TNRC6A: variants seen among roughly 807,000 people sequenced by gnomAD.
TNRC6A encodes the protein trinucleotide repeat containing adaptor 6A.
TNRC6A carries 44 observed loss-of-function variants against 221.2 expected under a neutral mutation model. That is an observed-to-expected ratio of 0.20 (90% confidence interval 0.16 to 0.26). The LOEUF is 0.26. TNRC6A is among the 10% of genes least tolerant of loss of function. TNRC6A has a pLI of 1.00. For synonymous variants in TNRC6A, 847 were observed against 838.5 expected, an observed-to-expected ratio of 1.01 and a Z score of -0.18; for missense variants, 2,199 against 2,404.4, an observed-to-expected ratio of 0.91 and a Z score of 1.79.
In TNRC6A at chr16:24,809,767, ATAT is replaced by A. The variant is rs1044624354; in HGVS notation, c.4672+292_4672+294del. ...CATTTTTCTAAGTGATTTTATTCTT[ATAT>A]TATTACACTTATTAACATTTACTGG... On this transcript the variant is annotated intron_variant, in intron 18 of 24. Coordinates refer to ENST00000395799, the MANE Select transcript of TNRC6A (RefSeq NM_014494.4). Among the ~76,000 whole-genome samples the A allele has an allele frequency of 8.5e-4, 129 of 152,244 alleles. 3 individuals are homozygous for A. Among genetic ancestry groups the A allele is most frequent in the Middle Eastern group, 3.4e-3 (1 of 294 alleles).
Position 24,798,000 on chromosome 16 carries a change from T to C in TNRC6A, c.3694+34T>C, listed in dbSNP as rs200071286. 6 of 1,572,116 alleles carry C rather than the reference T, an allele frequency of 3.8e-6. No individual in the cohort carries two copies. In the Admixed American group the frequency reaches 5.1e-5, roughly 13 times the overall value. On this transcript the variant is annotated intron_variant, in intron 11 of 24. Coordinates refer to ENST00000395799, the MANE Select transcript of TNRC6A (RefSeq NM_014494.4). ...AAATTAAATCTGTTTATATTCCTCA[T>C]TGAGGGACACGCACATCCATGACAT...
At chr16:24,628,512 A>G (rs1306175438) in intron 1 of TNRC6A, among the ~76,000 whole-genome samples, 1 of 152,158 alleles carries the variant, frequency 6.6e-6, no homozygotes, top group African/African-American at 2.4e-5. Flanking sequence ...CACATCTGAG[A>G]CAGCAAGAGT....
chr16:24,655,911 A>G lies in TNRC6A; in HGVS notation n.402+14902A>G, dbSNP rs374614895. ...TCCCAACAGTTTGAGAGGCCAAGGCAGGAGGATCACTTGAGGCCAGGAGTT... is the reference window on the plus strand; with the variant it reads ...TCCCAACAGTTTGAGAGGCCAAGGCGGGAGGATCACTTGAGGCCAGGAGTT... On this transcript the variant is annotated intron_variant and non_coding_transcript_variant, in intron 2 of 2. Coordinates refer to the TNRC6A transcript ENST00000566108. 2.2e-4 allele frequency among the ~76,000 whole-genome samples: 34 copies of G among 152,194 alleles called. 1 individual carries two copies. In the East Asian group the frequency reaches 6.4e-3, roughly 29 times the overall value.
chr16:24,777,889 GGT>G (rs2057759750), intron 5 of TNRC6A, among the ~76,000 whole-genome samples: 1 of 152,162 alleles, frequency 6.6e-6, no homozygotes, highest in Non-Finnish European at 1.5e-5. Context: ...CTCTGAGCTT[GGT>G]AGTGATGGTG....
At chr16:24,750,671 T>G (rs946456988) in intron 2 of TNRC6A, 55 bp from the exon 3 acceptor site, 1 of 1,459,262 alleles carries the variant, frequency 6.9e-7, no homozygotes. Context: ...GTATGCAACA[T>G]TATTTTTATT....
intron 1 of TNRC6A, among the ~76,000 whole-genome samples, chr16:24,627,897 T>C (rs1901113983): frequency 1.3e-5 from 2 of 150,512 alleles, no homozygotes; most frequent in Non-Finnish European, 1.5e-5. Context: ...TGGGGTTTCA[T>C]CGTGTTGGCC....
chr16:24,816,791 A>G (rs1457103500), intron 19 of TNRC6A, 25 bp from the exon 20 acceptor site: 2 of 1,600,332 alleles, frequency 1.2e-6, no homozygotes, highest in Non-Finnish European at 1.7e-6. Flanking sequence ...TAAGCTTTGA[A>G]CTAATTTTAA....
At chr16:24,802,190 G>A (rs1356774175) in intron 11 of TNRC6A, among the ~76,000 whole-genome samples, 2 of 152,156 alleles carry the variant, frequency 1.3e-5, no homozygotes, top group East Asian at 1.9e-4. Flanking sequence ...AAGAAATGAT[G>A]GATGAGATTT....
intron 2 of TNRC6A, among the ~76,000 whole-genome samples, chr16:24,708,063 A>ACAAAAAAC (rs770898651): frequency 3.3e-5 from 3 of 90,732 alleles, no homozygotes; most frequent in East Asian, 2.1e-3. Flanking sequence ...TGTCAAAAAA[A>ACAAAAAAC]AAAAAACACA....
At chr16:24,697,090 A>T (rs1462706854) in intron 2 of TNRC6A, among the ~76,000 whole-genome samples, 1 of 152,222 alleles carries the variant, frequency 6.6e-6, no homozygotes. Flanking sequence ...TTGAATGTTC[A>T]CAACACTGAG....
Position 24,797,477 on chromosome 16 carries a change from T to C in TNRC6A, c.3562-13T>C. On this transcript the variant is annotated splice_polypyrimidine_tract_variant and intron_variant, in intron 9 of 24. Coordinates refer to ENST00000395799, the MANE Select transcript of TNRC6A (RefSeq NM_014494.4). The stretch of plus-strand genomic sequence containing the variant: ...TGGCCATGGCATCTTTTCTACTCTT[T>C]TATTTTACAAAGGGAATGATGAAAG... 6.2e-7 allele frequency: 1 copy of C among 1,604,984 alleles called. No individual in the cohort carries two copies. Among genetic ancestry groups the C allele is most frequent in the East Asian group, 2.2e-5 (1 of 44,630 alleles).
intron 4 of TNRC6A, among the ~76,000 whole-genome samples, chr16:24,765,006 G>T (rs924210603): frequency 3.3e-5 from 5 of 152,104 alleles, no homozygotes; most frequent in African/African-American, 1.2e-4. Flanking sequence ...TTATTGTACT[G>T]TTCTCGCCTA....
At chr16:24,647,583 G>T (rs769649277) in intron 2 of TNRC6A, among the ~76,000 whole-genome samples, 1 of 151,894 alleles carries the variant, frequency 6.6e-6, no homozygotes, top group Non-Finnish European at 1.5e-5. Context: ...CATCACCACC[G>T]TCCATCTCTA....
intron 22 of TNRC6A, chr16:24,821,787 T>C: frequency 2.2e-6 from 1 of 451,422 alleles, no homozygotes; most frequent in Non-Finnish European, 4.0e-6. Flanking sequence ...TTAGCTCCTA[T>C]CAATGAGAAG....
chr16:24,779,304 A>G (rs943924013), intron 5 of TNRC6A, among the ~76,000 whole-genome samples: 3 of 152,352 alleles, frequency 2.0e-5, no homozygotes, highest in Middle Eastern at 3.4e-3. Flanking sequence ...CCTGGATTCA[A>G]TCTCAAAAAA....
chr16:24,805,510 A>G, intron 14 of TNRC6A, 95 bp from the exon 15 acceptor site: 2 of 1,525,422 alleles, frequency 1.3e-6, no homozygotes, highest in South Asian at 2.5e-5. Context: ...TAGTCCACAA[A>G]TTTAACTGCT....
In TNRC6A at chr16:24,749,327, G is replaced by A. The variant is rs753578886; in HGVS notation, c.54-1399G>A. 1.6e-4 allele frequency among the ~76,000 whole-genome samples: 24 copies of A among 152,290 alleles called. No homozygotes were observed. In the East Asian group the frequency reaches 2.3e-3, roughly 15 times the overall value. ...ACTTTACAGTGTGATGGAGGGAGTG[G>A]CAGCAGCCTCCAGTAAGATGGGCTT... On this transcript the variant is annotated intron_variant, in intron 2 of 24. Transcript: ENST00000395799.
chr16:24,628,574 A>G (rs1437552400), intron 1 of TNRC6A, among the ~76,000 whole-genome samples: 1 of 152,194 alleles, frequency 6.6e-6, no homozygotes, highest in Non-Finnish European at 1.5e-5. Context: ...AAGATGACGA[A>G]GATGAAGACC....
chr16:24,751,019 T>G (rs1301100838), intron 3 of TNRC6A, among the ~76,000 whole-genome samples: 2 of 152,216 alleles, frequency 1.3e-5, no homozygotes, highest in African/African-American at 4.8e-5. Flanking sequence ...TGTCAATAGT[T>G]TTTCAAAGGT....
Sources: allele counts gnomAD v4.1 joint callset (sites outside exome capture counted in the v4.1 genomes callset), GRCh38; gene constraint gnomAD v4.1.1; transcripts MANE v1.5; gene names NCBI Gene and HGNC (gene_info 2026-07-23, HGNC 2026-07-21).